Variants in PPIE observed in about 807,000 individuals in gnomAD.
The protein encoded by PPIE is peptidylprolyl isomerase E.
Under a neutral mutation model 38.4 loss-of-function variants are expected in PPIE, and 20 were observed. The ratio of observed to expected loss-of-function variants is 0.52; its 90% CI spans 0.37 to 0.76. The LOEUF (loss-of-function observed/expected upper bound fraction) is 0.76. PPIE is among the 30% of genes least tolerant of loss of function. PPIE has a pLI of 0.00. For missense variants in PPIE, 322 were observed against 385.8 expected (o/e 0.83, Z 1.39); for synonymous variants, 142 against 135.7 (o/e 1.05, Z -0.32).
intron 5 of PPIE, 21 bp downstream of exon 5, chr1:39,743,318 G>C (rs756655940): frequency 6.2e-7 from 1 of 1,605,994 alleles, no homozygotes; most frequent in South Asian, 1.1e-5. Context: ...GCAACTTCCA[G>C]ATTCCCTGTG....
chr1:39,743,285 T>C lies in PPIE; in HGVS notation c.271T>C (p.Ser91Pro). 4 of 1,614,062 alleles carry C rather than the reference T, an allele frequency of 2.5e-6. No homozygotes were observed. Among genetic ancestry groups the C allele is most frequent in the Non-Finnish European group, 3.4e-6 (4 of 1,179,920 alleles). The change falls in exon 5 of 10, where the codon TCT becomes CCT. Residue 91 changes from serine to proline, a missense_variant. Physicochemically the swap from Ser to Pro is moderately conservative, Grantham distance 74. Coordinates refer to ENST00000324379, the MANE Select transcript of PPIE (RefSeq NM_006112.4). Reference protein sequence around the residue: ...LAKPMRIKEGSSRPVWSDDDW... With the variant: ...LAKPMRIKEGPSRPVWSDDDW... ...CAAACCAATGAGAATTAAGGAAGGCTCTTCCAGGCCAGGTGAGTAGGAGCA... is the reference window on the plus strand; with the variant it reads ...CAAACCAATGAGAATTAAGGAAGGCCCTTCCAGGCCAGGTGAGTAGGAGCA...
At chr1:39,745,210 T>C (rs1347756148) in intron 6 of PPIE, among the ~76,000 whole-genome samples, 165 bp from the exon 7 acceptor site, 1 of 152,190 alleles carries the variant, frequency 6.6e-6, no homozygotes, top group Non-Finnish European at 1.5e-5. Flanking sequence ...GCTACGGCCA[T>C]GGCTCCTGCC....
chr1:39,747,444 C>T (rs1431402138), intron 7 of PPIE: 1 of 147,040 alleles, frequency 6.8e-6, no homozygotes. Context: ...TTCAGTTTTT[C>T]CACATCTTCT....
intron 2 of PPIE, 150 bp downstream of exon 2, chr1:39,740,413 G>A (rs753089343): frequency 4.9e-6 from 3 of 616,452 alleles, no homozygotes; most frequent in African/African-American, 1.9e-5. Flanking sequence ...CAGTGATCTC[G>A]ATGGAGAAGG....
intron 4 of PPIE, 61 bp from the exon 5 acceptor site, chr1:39,743,155 A>T: frequency 7.0e-7 from 1 of 1,424,400 alleles, no homozygotes; most frequent in South Asian, 1.2e-5. Context: ...GTATATGGAA[A>T]GCTGGCTGGC....
rs1647400587 is a variant in PPIE at position 39,748,917 on chromosome 1, C to G, written c.523C>G (p.Leu175Val). The change falls in exon 8 of 10, where the codon CTG becomes GTG. Residue 175 changes from leucine to valine, a missense_variant. Coordinates refer to ENST00000324379, the MANE Select transcript of PPIE (RefSeq NM_006112.4). ...VPMTAENFRC[L>V]CTHEKGFGFK... ...CTCAATTCCAGAGAATTTCCGCTGC[C>G]TGTGCACTCATGAAAAGGGCTTTGG... The G allele has an allele frequency of 1.2e-6, 2 of 1,613,946 alleles. No homozygotes were observed. Among genetic ancestry groups the G allele is most frequent in the Non-Finnish European group, 1.7e-6 (2 of 1,179,992 alleles).
intron 9 of PPIE, chr1:39,763,052 C>G: frequency 6.2e-7 from 1 of 1,606,260 alleles, no homozygotes. Flanking sequence ...CACAGGGCCC[C>G]CCACCCCAGG....
At chr1:39,760,014 G>T, downstream of PPIE, 4 of 236,938 alleles carry the variant, frequency 1.7e-5, no homozygotes, top group South Asian at 1.3e-4. Flanking sequence ...ATGGTGAAGA[G>T]CTCAAGGTGG....
chr1:39,754,152 T>C lies in PPIE; in HGVS notation c.*797T>C, dbSNP rs1329374743. The C allele has an allele frequency of 4.7e-6, 4 of 857,242 alleles. No individual in the cohort carries two copies. The highest frequency in any genetic ancestry group is 6.2e-5 in the Admixed American group (1 of 16,118). 53.1% of individuals were successfully genotyped at this position (857,242 alleles called of 1,614,324 possible). A position where few individuals can be genotyped will look rare whatever the true frequency, so the allele number is the denominator to read the frequency against. On this transcript the variant is annotated 3_prime_UTR_variant, in exon 10 of 10. Transcript: ENST00000324379. ...GCCTGTTTTTATGAATCAGGTTTTA[T>C]TGGAACACAGCCACGTCCATTTATT... is the stretch of plus-strand genomic sequence containing the variant.
downstream of PPIE, chr1:39,760,113 G>A (rs1648731726): frequency 4.7e-6 from 2 of 427,316 alleles, no homozygotes; most frequent in African/African-American, 4.0e-5. Context: ...ACCTCAGACA[G>A]GACTTCTGTG....
chr1:39,745,275 A>G (rs1647165774), intron 6 of PPIE, 100 bp from the exon 7 acceptor site: 5 of 1,487,458 alleles, frequency 3.4e-6, no homozygotes, highest in African/African-American at 2.8e-5. Flanking sequence ...GCTCCAGCCT[A>G]CGCACTGGAG....
At chr1:39,740,828 T>G (rs1465832075) in intron 2 of PPIE, among the ~76,000 whole-genome samples, 2 of 152,246 alleles carry the variant, frequency 1.3e-5, no homozygotes, top group East Asian at 3.8e-4. Flanking sequence ...TTAAACTCTC[T>G]GGGCCTGGGA....
Position 39,753,064 on chromosome 1 carries a change from G to A in PPIE, c.837+12G>A. 1 of 1,614,034 alleles carries A rather than the reference G, an allele frequency of 6.2e-7. No homozygotes were observed. On this transcript the variant is annotated intron_variant, in intron 9 of 9. Transcript: ENST00000324379. ...TGCGGCAAATTGAGGTATGTGGCCA[G>A]GAATGGGCCTCCTCCTTACCCAGGC...
intron 9 of PPIE, chr1:39,763,162 C>T (rs1649250617): frequency 1.2e-6 from 2 of 1,613,964 alleles, no homozygotes; most frequent in Non-Finnish European, 1.7e-6. Flanking sequence ...CTCCCCCTCA[C>T]AGTAATAGGC....
chr1:39,752,684 A>C (rs1647860298), intron 8 of PPIE, among the ~76,000 whole-genome samples: 1 of 152,246 alleles, frequency 6.6e-6, no homozygotes, highest in African/African-American at 2.4e-5. Context: ...ATTGTTAAAT[A>C]AATGAATTAA....
chr1:39,740,327 C>A, intron 2 of PPIE, 64 bp downstream of exon 2: 1 of 1,332,764 alleles, frequency 7.5e-7, no homozygotes, highest in South Asian at 1.2e-5. Flanking sequence ...AAATTAAAGT[C>A]ACATCACAAT....
chr1:39,759,404 C>G (rs1648649896), downstream of PPIE: 2 of 152,278 alleles, frequency 1.3e-5, no homozygotes, highest in South Asian at 4.1e-4. Flanking sequence ...ATGGACTGCT[C>G]CTCAGCATGG....
At chr1:39,739,997 G>A (rs1397652984) in intron 1 of PPIE, 168 bp from the exon 2 acceptor site, 8 of 575,358 alleles carry the variant, frequency 1.4e-5, no homozygotes, top group Non-Finnish European at 2.5e-5. Flanking sequence ...GCGAAGAGAG[G>A]AATATTTTTC....
chr1:39,763,840 C>T (rs371308694), exon 10 of PPIE: 8 of 1,578,330 alleles, frequency 5.1e-6, no homozygotes, highest in Non-Finnish European at 6.1e-6. Flanking sequence ...CTACTGTGTG[C>T]AGCTACTATG....
Sources: allele counts gnomAD v4.1 joint callset (sites outside exome capture counted in the v4.1 genomes callset), GRCh38; gene constraint gnomAD v4.1.1; transcripts MANE v1.5; gene names NCBI Gene and HGNC (gene_info 2026-07-23, HGNC 2026-07-21).